ADGRB1: variants seen among roughly 807,000 people sequenced by gnomAD.
ADGRB1 encodes the protein brain-specific angiogenesis inhibitor 1.
A neutral mutation model predicts 175.7 loss-of-function variants in ADGRB1; 36 were observed. The observed-to-expected ratio is 0.20, with a 90% CI of 0.16 to 0.27. The LOEUF is 0.27. Ranked by LOEUF, ADGRB1 falls within the 10% of genes least tolerant of loss-of-function variation. The pLI is 1.00. For missense variants in ADGRB1, 1,731 were observed against 2,255.3 expected (o/e 0.77, Z 4.71); for synonymous variants, 1,054 against 979.4 (o/e 1.08, Z -1.42).
chr8:142,520,882 C>G lies in ADGRB1; in HGVS notation c.2981C>G (p.Ser994Cys). 1 of 1,613,722 alleles carries G rather than the reference C, an allele frequency of 6.2e-7. No individual in the cohort carries two copies. The highest frequency in any genetic ancestry group is 8.5e-7 in the Non-Finnish European group (1 of 1,179,720). ...AACTTCTGCCTGTCCATCATCTCCT[C>G]CAATGCCCTCATCCTCATCGGGCAG... ...LINFCLSIIS[S>C]NALILIGQTQ... is the part of the protein sequence containing the mutation. The change falls in exon 20 of 31, where the codon TCC becomes TGC. Residue 994 changes from serine to cysteine, a missense_variant. By Grantham distance (112) the Ser-to-Cys change is moderately radical. Transcript: ENST00000517894.
intron 1 of ADGRB1, among the ~76,000 whole-genome samples, chr8:142,452,740 G>A (rs1333204128): frequency 3.3e-5 from 5 of 152,182 alleles, no homozygotes; most frequent in Middle Eastern, 6.8e-3. Flanking sequence ...CCCGGGGTCC[G>A]AGCAGCCTCC....
At chr8:142,512,544 G>A (rs1843162274) in intron 18 of ADGRB1, among the ~76,000 whole-genome samples, 2 of 152,194 alleles carry the variant, frequency 1.3e-5, no homozygotes, top group African/African-American at 2.4e-5. Flanking sequence ...CCTTCTCCCA[G>A]CCCGGTGTCA....
At chr8:142,466,980 G>A (rs1021554580) in intron 2 of ADGRB1, among the ~76,000 whole-genome samples, 5 of 152,258 alleles carry the variant, frequency 3.3e-5, no homozygotes, top group African/African-American at 4.8e-5. Flanking sequence ...AGAGCTGGTC[G>A]TTAGCAGCAT....
At chr8:142,520,389 A>G (rs62650740) in intron 19 of ADGRB1, among the ~76,000 whole-genome samples, 292 of 9,872 alleles carry the variant, frequency 0.03, no homozygotes, top group East Asian at 0.077. Flanking sequence ...TGGTGATGGT[A>G]GTGATTGTGA....
rs566046227 is a variant in ADGRB1, at chr8:142,543,947, T to A, written c.4557+239T>A. 8.0e-4 allele frequency among the ~76,000 whole-genome samples: 121 copies of A among 152,096 alleles called. No individual in the cohort carries two copies. Among genetic ancestry groups the A allele is most frequent in the African/African-American group, 2.7e-3 (114 of 41,510 alleles). On this transcript the variant is annotated intron_variant, in intron 30 of 30. Coordinates refer to ENST00000517894, the MANE Select transcript of ADGRB1 (RefSeq NM_001702.3). The surrounding 1 kb of genome is among the most constrained non-coding windows in gnomAD (Gnocchi z 4.4). ...CTGCTCCTGGGGCCAGGGGTCTGGA[T>A]TGGGGTGGAGCCAATCCAGGGCAGG...
At chr8:142,517,444 T>A (rs888340277) in intron 18 of ADGRB1, among the ~76,000 whole-genome samples, 2 of 152,178 alleles carry the variant, frequency 1.3e-5, no homozygotes, top group African/African-American at 4.8e-5. Flanking sequence ...CCCATGCCGC[T>A]GTGGCGGGAG....
intron 1 of ADGRB1, among the ~76,000 whole-genome samples, chr8:142,454,325 G>A (rs923032059): frequency 4.6e-5 from 7 of 152,292 alleles, no homozygotes; most frequent in South Asian, 2.1e-4. Flanking sequence ...GAGCAGGCAC[G>A]CGTGTCCCCA....
chr8:142,521,194 G>A (rs1288452029), intron 20 of ADGRB1, among the ~76,000 whole-genome samples: 2 of 152,194 alleles, frequency 1.3e-5, no homozygotes, highest in Non-Finnish European at 2.9e-5. Flanking sequence ...CTGCAGCCCT[G>A]CCCATCCCGC....
intron 27 of ADGRB1, chr8:142,540,006 G>A (rs1195632756): frequency 6.5e-6 from 1 of 153,664 alleles, no homozygotes; most frequent in Non-Finnish European, 1.4e-5. Context: ...CCCAATAAAG[G>A]AAGCTCCGCC....
Position 142,542,499 on chromosome 8 carries a change from C to G in ADGRB1, c.4265C>G (p.Pro1422Arg). Residue 1422 changes from proline to arginine, a missense_variant, in exon 28 of 31, where the codon CCC becomes CGC. Physicochemically the swap from Pro to Arg is moderately radical, Grantham distance 103 (BLOSUM62 -2). Transcript: ENST00000517894. This position sits in a 1 kb window ranked among gnomAD's most constrained non-coding sequence, Gnocchi z 6.3. The part of the protein sequence containing the change: ...PPPPPPPPPP[P>R]QQPLPPPPNL... ...CCTCCGCCCCCACCGCCACCACCTC[C>G]CCAGCAGCCCCTGCCCCCACCGCCC... 7.2e-7 allele frequency: 1 copy of G among 1,388,260 alleles called. No individual in the cohort carries two copies. Among genetic ancestry groups the G allele is most frequent in the Non-Finnish European group, 9.4e-7 (1 of 1,065,560 alleles). The allele number at this position is 1,388,260 out of a possible 1,614,324, so 86.0% of individuals were successfully genotyped here.
intron 18 of ADGRB1, among the ~76,000 whole-genome samples, chr8:142,517,433 C>A (rs1246469766): frequency 6.6e-6 from 1 of 152,214 alleles, no homozygotes; most frequent in Admixed American, 6.5e-5. Flanking sequence ...TGATCACCTC[C>A]CCCATGCCGC....
intron 11 of ADGRB1, 37 bp from the exon 12 acceptor site, chr8:142,483,940 G>C (rs777177183): frequency 6.2e-7 from 1 of 1,610,362 alleles, no homozygotes; most frequent in Non-Finnish European, 8.5e-7. Flanking sequence ...TTTGTGCCCT[G>C]TTCTCTGTCA....
Position 142,475,896 on chromosome 8 carries a change from C to CGAGTG in ADGRB1, c.946+262_946+263insAGTGG, listed in dbSNP as rs149856765. 1.2e-4 allele frequency among the ~76,000 whole-genome samples: 17 copies of CGAGTG among 145,318 alleles called. No homozygotes were observed. In the East Asian group the frequency reaches 3.5e-3, roughly 30 times the overall value. On this transcript the variant is annotated intron_variant, in intron 3 of 30. Coordinates refer to ENST00000517894, the MANE Select transcript of ADGRB1 (RefSeq NM_001702.3). ...GGCTCTGAGAAGCAGGACCTAAACT[C>CGAGTG]GGGGCTGGCCCGTGGGAGTGGGGCC...
chr8:142,490,659 C>T (rs775469132), intron 16 of ADGRB1, 113 bp from the exon 17 acceptor site: 382 of 1,267,954 alleles, frequency 3.0e-4, no homozygotes, highest in Non-Finnish European at 4.1e-4. Flanking sequence ...TGTTCAGGGA[C>T]CCGCACAGGT....
At chr8:142,470,888 T>TCAGCCC in intron 2 of ADGRB1, among the ~76,000 whole-genome samples, 1 of 152,216 alleles carries the variant, frequency 6.6e-6, no homozygotes, top group Non-Finnish European at 1.5e-5. Flanking sequence ...ACAGTCAGGC[T>TCAGCCC]CAGCCCCAAC....
intron 13 of ADGRB1, among the ~76,000 whole-genome samples, chr8:142,486,609 G>A (rs547600012): frequency 7.9e-5 from 12 of 152,334 alleles, no homozygotes; most frequent in African/African-American, 1.9e-4. Context: ...CGTGTCTGGT[G>A]GAAACCATAG....
intron 25 of ADGRB1, among the ~76,000 whole-genome samples, chr8:142,535,859 T>G (rs967385745): frequency 4.6e-5 from 7 of 152,086 alleles, no homozygotes; most frequent in African/African-American, 1.4e-4. Context: ...AAGGCACACC[T>G]GCTGTGGCGG....
chr8:142,479,051 G>C lies in ADGRB1; in HGVS notation c.1562-272G>C, dbSNP rs141034247. On this transcript the variant is annotated intron_variant, in intron 7 of 30. Coordinates refer to ENST00000517894, the MANE Select transcript of ADGRB1 (RefSeq NM_001702.3). ...TGGGGAAGTGGAGTGTGGGGTGGCC[G>C]TGGGGTAGTAGGGTGCACAGTGAGG... The C allele has an allele frequency of 2.9e-3, 1,086 of 376,668 alleles. 11 individuals are homozygous for C. Among genetic ancestry groups the C allele is most frequent in the African/African-American group, 0.02 (945 of 47,446 alleles). The allele number at this position is 376,668 out of a possible 1,614,324, so 23.3% of individuals were successfully genotyped here.
intron 14 of ADGRB1, 60 bp downstream of exon 14, chr8:142,488,567 C>G (rs780839703): frequency 1.3e-6 from 2 of 1,588,336 alleles, no homozygotes; most frequent in Non-Finnish European, 1.7e-6. Flanking sequence ...CAGAGTCGGA[C>G]GGTCACCACC....
Sources: gnomAD v4.1 joint callset for allele counts (sites outside exome capture counted in the v4.1 genomes callset) on GRCh38, gnomAD v4.1.1 for gene constraint, Gnocchi (gnomAD v3.1) non-coding constraint, MANE v1.5 for transcripts, NCBI Gene and HGNC (gene_info 2026-07-23, HGNC 2026-07-21) for gene names.